Variants in GCH1 observed in about 807,000 individuals in gnomAD.
GCH1 encodes GTP cyclohydrolase I.
In GCH1, 5 loss-of-function variants were observed where a neutral mutation model predicts 25.9. The observed-to-expected ratio is 0.19, with a 90% confidence interval of 0.10 to 0.41. The LOEUF (loss-of-function observed/expected upper bound fraction) is 0.41. Among genes scored for constraint, GCH1 ranks in the 10% least tolerant of loss-of-function variants. The probability of loss-of-function intolerance (pLI) is 1.00; values close to 1 mark genes in which losing one functional copy is unlikely to be tolerated. For synonymous variants in GCH1, 159 were observed against 129.6 expected, an observed-to-expected ratio of 1.23 and a Z score of -1.54; for missense variants, 261 against 336.5, an observed-to-expected ratio of 0.78 and a Z score of 1.75.
chr14:54,857,756 G>A (rs1002300047), intron 3 of GCH1, among the ~76,000 whole-genome samples: 6 of 152,024 alleles, frequency 3.9e-5, no homozygotes, highest in Admixed American at 6.5e-5. Context: ...GTAAGTTACT[G>A]GGAAGGGAGT....
At chr14:54,855,542 C>G (rs77400311) in intron 3 of GCH1, among the ~76,000 whole-genome samples, 30,681 of 136,994 alleles carry the variant, frequency 0.22, 3,407 homozygotes, top group East Asian at 0.36. Context: ...TGGCCGGGTG[C>G]AGTGACTCAT....
At chr14:54,872,662 G>C (rs2040098435) in intron 1 of GCH1, among the ~76,000 whole-genome samples, 1 of 152,100 alleles carries the variant, frequency 6.6e-6, no homozygotes, top group Non-Finnish European at 1.5e-5. Context: ...GATCTACCAA[G>C]CAAATGGAAA....
intron 1 of GCH1, among the ~76,000 whole-genome samples, chr14:54,900,472 A>C (rs1260837844): frequency 6.6e-6 from 1 of 152,150 alleles, no homozygotes; most frequent in African/African-American, 2.4e-5. Flanking sequence ...TCGGCCTCCC[A>C]AAGTGCTGGG....
At chr14:54,883,407 C>T (rs1253148959) in intron 1 of GCH1, among the ~76,000 whole-genome samples, 2 of 135,778 alleles carry the variant, frequency 1.5e-5, no homozygotes, top group South Asian at 2.4e-4. Flanking sequence ...AAGCCCGGTG[C>T]GGTGGCTCAC....
rs1205897044 is a variant in GCH1 at position 54,898,521 on chromosome 14, AAC to A, written c.343+3798_343+3799del. On this transcript the variant is annotated intron_variant, in intron 1 of 5. Transcript: ENST00000491895. The stretch of plus-strand genomic sequence containing the variant: ...TTTAAAACTTTGACTCTTTTGTAAT[AAC>A]ACAGCTTAAAACAAAAACACATTGT... 3.9e-5 allele frequency among the ~76,000 whole-genome samples: 6 copies of A among 152,380 alleles called. No individual in the cohort carries two copies. In the East Asian group the frequency reaches 9.6e-4, roughly 24 times the overall value.
chr14:54,868,533 C>G (rs892941249), intron 1 of GCH1, among the ~76,000 whole-genome samples: 1 of 152,180 alleles, frequency 6.6e-6, no homozygotes, highest in African/African-American at 2.4e-5. Context: ...CAATGAAAAT[C>G]TGAATAAAGT....
At position 54,846,984 on chromosome 14, in the gene GCH1, T is replaced by G. The variant is rs1313422557; in HGVS notation, c.541+115A>C. ...GGCTGAGGCTGCAGTGAGCCGAGAT[T>G]GCACCACTGCACTCCAGCCTGGGTG... On this transcript the variant is annotated intron_variant, in intron 4 of 5. Transcript: ENST00000491895. 9 of 491,248 alleles carry G rather than the reference T, an allele frequency of 1.8e-5. No homozygotes were observed. In the East Asian group the frequency reaches 3.8e-4, roughly 21 times the overall value. 30.4% of individuals were successfully genotyped at this position (491,248 alleles called of 1,614,324 possible). A position where few individuals can be genotyped will look rare whatever the true frequency, so the allele number is the denominator to read the frequency against.
In GCH1 at chr14:54,843,157, G is replaced by A. The variant is rs1426509313; in HGVS notation, c.*860C>T. On this transcript the variant is annotated 3_prime_UTR_variant, in exon 6 of 6. Coordinates refer to ENST00000491895, the MANE Select transcript of GCH1 (RefSeq NM_000161.3). ...AAGAAACATTTTGAGGCATCTACAT[G>A]GATCACACAAAGGAAACTCAATAAA... 1 of 1,510,250 alleles carries A rather than the reference G, an allele frequency of 6.6e-7. No individual in the cohort carries two copies. Among genetic ancestry groups the A allele is most frequent in the East Asian group, 2.5e-5 (1 of 40,608 alleles). The allele number at this position is 1,510,250 out of a possible 1,614,324, so 93.6% of individuals were successfully genotyped here.
rs146001641 is a variant in GCH1 at position 54,860,662 on chromosome 14, T to G, written c.454-926A>C. ...TTCAAGCAATTCCCCTGCCTTAGCC[T>G]CCTGAGTAGCCGGGACTACAGGCGC... is the stretch of plus-strand genomic sequence containing the variant. On this transcript the variant is annotated intron_variant, in intron 2 of 5. Transcript: ENST00000491895. 2.6e-3 allele frequency among the ~76,000 whole-genome samples: 387 copies of G among 150,920 alleles called. 2 individuals carry two copies. The highest frequency in any genetic ancestry group is 8.9e-3 in the African/African-American group (367 of 41,076).
At chr14:54,874,986 T>C (rs1001211220) in intron 1 of GCH1, among the ~76,000 whole-genome samples, 7 of 152,158 alleles carry the variant, frequency 4.6e-5, no homozygotes, top group South Asian at 2.1e-4. Context: ...AAAGTTCATA[T>C]GGAACCAAAA....
rs199915649 is a variant in GCH1 at position 54,874,201 on chromosome 14, T to A, written c.344-8765A>T. Among the ~76,000 whole-genome samples, 15 of 152,310 alleles carry A rather than the reference T, an allele frequency of 9.8e-5. No individual in the cohort carries two copies. In the East Asian group the frequency reaches 2.3e-3, roughly 23 times the overall value. On this transcript the variant is annotated intron_variant, in intron 1 of 5. Transcript: ENST00000491895. ...GGCTGGTTCAACATATGCAAATCAA[T>A]AAATGTAATCCAGCATATAAACAGA...
chr14:54,868,444 A>G, intron 1 of GCH1, among the ~76,000 whole-genome samples: 1 of 152,130 alleles, frequency 6.6e-6, no homozygotes, highest in East Asian at 1.9e-4. Flanking sequence ...AAAATTAAAA[A>G]AAAAAATTAA....
intron 1 of GCH1, among the ~76,000 whole-genome samples, chr14:54,890,455 G>A (rs1415266839): frequency 6.6e-6 from 1 of 152,278 alleles, no homozygotes; most frequent in East Asian, 1.9e-4. Context: ...ACGAGATCGC[G>A]CCATTGCACT....
rs1555358375 is a variant in GCH1 at position 54,843,988 on chromosome 14, G to A, written c.*29C>T. 2 of 1,614,168 alleles carry A rather than the reference G, an allele frequency of 1.2e-6. No individual in the cohort carries two copies. Among genetic ancestry groups the A allele is most frequent in the South Asian group, 2.2e-5 (2 of 91,086 alleles). On this transcript the variant is annotated 3_prime_UTR_variant, in exon 6 of 6. Coordinates refer to ENST00000491895, the MANE Select transcript of GCH1 (RefSeq NM_000161.3). ...GACAATGCTACTGGCAGTACGATCG[G>A]CAACCAACGCACACACACTGAATGA... is the stretch of plus-strand genomic sequence containing the variant.
intron 3 of GCH1, among the ~76,000 whole-genome samples, chr14:54,858,526 T>A (rs919472908): frequency 6.6e-6 from 1 of 151,996 alleles, no homozygotes; most frequent in Non-Finnish European, 1.5e-5. Context: ...CCTCAAGTGA[T>A]CCGCCCGCCT....
intron 3 of GCH1, among the ~76,000 whole-genome samples, chr14:54,850,631 C>T: frequency 6.6e-6 from 1 of 152,126 alleles, no homozygotes; most frequent in East Asian, 1.9e-4. Flanking sequence ...AATGCTATCC[C>T]TCCCTGCTCC....
intron 5 of GCH1, 100 bp from the exon 6 acceptor site, chr14:54,844,243 A>G: frequency 1.2e-6 from 1 of 817,360 alleles, no homozygotes; most frequent in Non-Finnish European, 2.2e-6. Context: ...CACAGTTACC[A>G]AGTATATCGA....
At chr14:54,893,112 A>G (rs1216018414) in intron 1 of GCH1, among the ~76,000 whole-genome samples, 1 of 152,222 alleles carries the variant, frequency 6.6e-6, no homozygotes, top group African/African-American at 2.4e-5. Context: ...ATGGGCTCCA[A>G]TAGAATAAAA....
At chr14:54,896,788 C>T (rs1008835894) in intron 1 of GCH1, among the ~76,000 whole-genome samples, 7 of 151,062 alleles carry the variant, frequency 4.6e-5, no homozygotes, top group Non-Finnish European at 1.0e-4. Flanking sequence ...GGTGTGGTAG[C>T]GGGCGCCTGT....
Sources: allele counts gnomAD v4.1 joint callset (sites outside exome capture counted in the v4.1 genomes callset), GRCh38; gene constraint gnomAD v4.1.1; transcripts MANE v1.5; gene names NCBI Gene and HGNC (gene_info 2026-07-23, HGNC 2026-07-21).